The following UBE2J2 variants were observed in gnomAD, a reference collection of about 807,000 sequenced individuals.
UBE2J2 encodes the protein ubiquitin-conjugating enzyme E2 J2.
In UBE2J2, 5 loss-of-function variants were observed where a neutral mutation model predicts 28.6. The ratio of observed to expected loss-of-function variants is 0.17; its 90% CI spans 0.09 to 0.37. The LOEUF (loss-of-function observed/expected upper bound fraction) is 0.37, where lower values mean the gene tolerates loss of function less well. Among genes scored for constraint, UBE2J2 ranks in the 10% least tolerant of loss-of-function variants. The pLI, the probability that UBE2J2 is intolerant of heterozygous loss-of-function variation, is 1.00. For missense variants in UBE2J2, 226 were observed against 338.9 expected (o/e 0.67, Z 2.62); for synonymous variants, 138 against 139.7 (o/e 0.99, Z 0.09).
chr1:1,265,046 G>A (rs1370250434), intron 2 of UBE2J2, among the ~76,000 whole-genome samples: 2 of 152,170 alleles, frequency 1.3e-5, no homozygotes, highest in African/African-American at 2.4e-5. Flanking sequence ...AGCTCAGCAC[G>A]CGATGCACCC....
intron 3 of UBE2J2, among the ~76,000 whole-genome samples, chr1:1,259,135 A>G (rs952647926): frequency 3.0e-5 from 4 of 131,160 alleles, no homozygotes; most frequent in Non-Finnish European, 4.8e-5. Context: ...ACGTGTGTGC[A>G]TGCCATCAGG....
chr1:1,259,926 C>T (rs1639456078), intron 3 of UBE2J2, among the ~76,000 whole-genome samples: 1 of 152,230 alleles, frequency 6.6e-6, no homozygotes, highest in Admixed American at 6.5e-5. Context: ...CCTGGCCTCC[C>T]TGCATGTGTG....
intron 2 of UBE2J2, 164 bp downstream of exon 2, chr1:1,267,696 CAG>C (rs894899086): frequency 4.1e-6 from 6 of 1,455,106 alleles, no homozygotes; most frequent in South Asian, 2.8e-5. Context: ...GGGAAAAGAC[CAG>C]AGAGTGTCCA....
intron 5 of UBE2J2, among the ~76,000 whole-genome samples, chr1:1,256,702 A>T (rs1639196922): frequency 2.0e-5 from 3 of 151,922 alleles, no homozygotes; most frequent in Admixed American, 6.6e-5. Flanking sequence ...TAACACGGTG[A>T]AACCCCGTCT....
chr1:1,255,781 G>A (rs893572698), intron 6 of UBE2J2, among the ~76,000 whole-genome samples: 1 of 152,180 alleles, frequency 6.6e-6, no homozygotes, highest in Non-Finnish European at 1.5e-5. Flanking sequence ...GCTATCCCCA[G>A]ACACCACCCA....
rs1183260933 is a variant in UBE2J2, at chr1:1,268,237, C to T, written c.1-245G>A. Among the ~76,000 whole-genome samples the T allele has an allele frequency of 1.3e-5, 2 of 152,120 alleles. No homozygotes were observed. The highest frequency in any genetic ancestry group is 2.9e-5 in the Non-Finnish European group (2 of 68,028). On this transcript the variant is annotated intron_variant, in intron 1 of 6. Coordinates refer to ENST00000349431, the MANE Select transcript of UBE2J2 (RefSeq NM_058167.3). The surrounding 1 kb of genome is among the most constrained non-coding windows in gnomAD (Gnocchi z 4.7). ...ACGACGTACAGCTCAGGTACAAAGA[C>T]GAGGAGAAACCCAAAGCCTCGTTCC... is the stretch of plus-strand genomic sequence containing the variant.
rs1278862623 is a variant in UBE2J2 at position 1,256,880 on chromosome 1, C to T, written c.414+112G>A. ...CCAGCCTGGAGACACAGCGAGACTC[C>T]GTCTCAAGAAAAAAAAAAAAAAAAA... On this transcript the variant is annotated intron_variant, in intron 5 of 6. Transcript: ENST00000349431. 14 of 1,049,848 alleles carry T rather than the reference C, an allele frequency of 1.3e-5. No individual in the cohort carries two copies. The East Asian group carries it at 1.7e-4, about 13-fold the overall frequency. The allele number at this position is 1,049,848 out of a possible 1,614,324, so 65.0% of individuals were successfully genotyped here. A position where few individuals can be genotyped will look rare whatever the true frequency, so the allele number is the denominator to read the frequency against.
rs375827187 is a variant in UBE2J2, at chr1:1,256,021, G to A, written c.495+24C>T. The A allele has an allele frequency of 3.2e-5, 49 of 1,553,274 alleles. 2 individuals carry two copies. In the Middle Eastern group the frequency reaches 1.0e-3, roughly 32 times the overall value. ...CAAGTGTTTTAACGCAGGGGAAGGC[G>A]AAACCCACTTCCGTCTTTCTTACCT... On this transcript the variant is annotated intron_variant, in intron 6 of 6. Coordinates refer to ENST00000349431, the MANE Select transcript of UBE2J2 (RefSeq NM_058167.3).
At chr1:1,256,684 A>G (rs556245450) in intron 5 of UBE2J2, among the ~76,000 whole-genome samples, 25 of 152,056 alleles carry the variant, frequency 1.6e-4, no homozygotes, top group African/African-American at 2.2e-4. Context: ...AAATCAAGAC[A>G]TCCTGGTTAA....
intron 2 of UBE2J2, among the ~76,000 whole-genome samples, chr1:1,265,649 G>GTGTGTGTGTGTGTGT (rs60585001): frequency 4.1e-5 from 6 of 146,026 alleles, no homozygotes; most frequent in South Asian, 2.2e-4. Context: ...GTGTGTGTGT[G>GTGTGTGTGTGTGTGT]GTGGAGTCTC....
rs1364835017 is a variant in UBE2J2 at position 1,256,917 on chromosome 1, C to CTTT, written c.414+74_414+75insAAA. ...AAAAAAAAAAAAAAAAAAAAGGCAG[C>CTTT]TGCAACTCAGGAACAGAGAACAGCC... On this transcript the variant is annotated intron_variant, in intron 5 of 6. Transcript: ENST00000349431. The CTTT allele has an allele frequency of 9.4e-5, 98 of 1,041,418 alleles. No individual in the cohort carries two copies. The African/African-American group carries it at 1.6e-3, about 17-fold the overall frequency. 64.5% of individuals were successfully genotyped at this position (1,041,418 alleles called of 1,614,324 possible).
chr1:1,257,185 C>T (rs768045155), intron 4 of UBE2J2, 23 bp downstream of exon 4: 30 of 1,602,690 alleles, frequency 1.9e-5, no homozygotes, highest in South Asian at 1.7e-4. Context: ...AGAAAGCCTC[C>T]GCGGCCCCTC....
At chr1:1,257,161 T>C in intron 4 of UBE2J2, 31 bp from the exon 5 acceptor site, 1 of 1,603,994 alleles carries the variant, frequency 6.2e-7, no homozygotes, top group East Asian at 2.2e-5. Context: ...CAGTGCACAC[T>C]CCCCACCGCA....
chr1:1,263,193 G>C, intron 3 of UBE2J2, 153 bp downstream of exon 3: 1 of 708,572 alleles, frequency 1.4e-6, no homozygotes, highest in Admixed American at 2.1e-5. Flanking sequence ...GTGTGGAGAA[G>C]CAGACGAGGA....
rs1276667271 is a variant in UBE2J2 at position 1,268,968 on chromosome 1, T to A, written c.1-976A>T. Among the ~76,000 whole-genome samples the A allele has an allele frequency of 4.6e-5, 7 of 152,104 alleles. No individual in the cohort carries two copies. The highest frequency in any genetic ancestry group is 2.0e-4 in the Admixed American group (3 of 15,274). On this transcript the variant is annotated intron_variant, in intron 1 of 6. Coordinates refer to ENST00000349431, the MANE Select transcript of UBE2J2 (RefSeq NM_058167.3). This position sits in a 1 kb window ranked among gnomAD's most constrained non-coding sequence, Gnocchi z 4.7. The stretch of plus-strand genomic sequence containing the variant: ...CTGGAATCACAGGCAGGAGCCACGG[T>A]AACCCGGGCCCCACAGGGGTTTGGG...
In UBE2J2 at chr1:1,257,073, G is replaced by T; in HGVS notation, c.333C>A (p.Val111=). The stretch of plus-strand genomic sequence containing the variant: ...TCAGGAGCCCAGTCAGGATGGTGGA[G>T]ACAGACCAGGCCGGGTTCCACGTGT... ...HPDTWNPAWS[V]STILTGLLSF... is the part of the protein sequence containing the mutation. Residue 111 remains valine (V), a synonymous_variant, in exon 5 of 7, where the codon GTC becomes GTA. Coordinates refer to ENST00000349431, the MANE Select transcript of UBE2J2 (RefSeq NM_058167.3). 6.2e-7 allele frequency: 1 copy of T among 1,613,392 alleles called. No individual in the cohort carries two copies. Among genetic ancestry groups the T allele is most frequent in the Non-Finnish European group, 8.5e-7 (1 of 1,179,762 alleles).
At chr1:1,267,719 G>A (rs1639949665) in intron 2 of UBE2J2, 143 bp downstream of exon 2, 5 of 1,506,306 alleles carry the variant, frequency 3.3e-6, no homozygotes, top group Non-Finnish European at 4.4e-6. Flanking sequence ...CAGGCCCCTG[G>A]GCACCCCACT....
chr1:1,257,354 C>T, intron 3 of UBE2J2, 44 bp from the exon 4 acceptor site: 2 of 1,284,284 alleles, frequency 1.6e-6, no homozygotes, highest in Non-Finnish European at 2.2e-6. Flanking sequence ...TCCGCCACAG[C>T]AGGGGCTCCT....
At position 1,267,962 on chromosome 1, in the gene UBE2J2, T is replaced by C. The variant is rs773479893; in HGVS notation, c.31A>G (p.Thr11Ala). The C allele has an allele frequency of 8.7e-6, 14 of 1,613,922 alleles. No homozygotes were observed. In the Admixed American group the frequency reaches 2.3e-4, roughly 27 times the overall value. The stretch of plus-strand genomic sequence containing the variant: ...TGCTTCAGCCTCTGGGTTGCCGTGG[T>C]CGGAGCCCTCTTACTGCTGGTGCTG... MSSTSSKRAP[T>A]TATQRLKQDY... Residue 11 changes from threonine (T) to alanine (A), a missense_variant, in exon 2 of 7, where the codon ACC becomes GCC. Coordinates refer to ENST00000349431, the MANE Select transcript of UBE2J2 (RefSeq NM_058167.3).
Sources: allele counts gnomAD v4.1 joint callset (sites outside exome capture counted in the v4.1 genomes callset), GRCh38; gene constraint gnomAD v4.1.1; non-coding constraint Gnocchi (gnomAD v3.1); transcripts MANE v1.5; gene names NCBI Gene and HGNC (gene_info 2026-07-23, HGNC 2026-07-21).